The following ERO1B variants were observed in gnomAD, a reference collection of about 807,000 sequenced individuals.
ERO1B encodes the protein endoplasmic reticulum oxidoreductase 1 beta, also known as ERO1-like protein beta.
A neutral mutation model predicts 75.3 loss-of-function variants in ERO1B; 49 were observed. That is an observed-to-expected ratio of 0.65 (90% CI 0.52 to 0.83). The LOEUF is 0.83. Ranked by LOEUF, ERO1B falls within the 40% of genes least tolerant of loss-of-function variation. ERO1B has a pLI of 0.00. For missense variants in ERO1B, 512 were observed against 560.1 expected, an observed-to-expected ratio of 0.91 and a Z score of 0.87; for synonymous variants, 191 against 192.9, an observed-to-expected ratio of 0.99 and a Z score of 0.08.
rs139178297 is a variant in ERO1B, at chr1:236,251,351, G to C, written c.348+699C>G. The C allele has an allele frequency of 6.2e-5, 13 of 210,666 alleles. 2 individuals are homozygous for C. Among genetic ancestry groups the C allele is most frequent in the African/African-American group, 2.3e-4 (10 of 42,634 alleles). 13.0% of individuals were successfully genotyped at this position (210,666 alleles called of 1,614,324 possible). ...ACTTCAGAAAAATGGTTAGCTCTGG[G>C]AGGAAGGAATTAGAACGAACTGGGA... On this transcript the variant is annotated intron_variant, in intron 4 of 15. Coordinates refer to ENST00000354619, the MANE Select transcript of ERO1B (RefSeq NM_019891.4).
chr1:236,239,811 G>GTATATATATATATATATATGTGTGTA (rs1435250421), intron 6 of ERO1B, among the ~76,000 whole-genome samples: 3 of 59,562 alleles, frequency 5.0e-5, no homozygotes, highest in South Asian at 5.5e-4. Flanking sequence ...ATATATGTGT[G>GTATATATATATATATATATGTGTGTA]TATATATATA....
intron 2 of ERO1B, among the ~76,000 whole-genome samples, chr1:236,255,457 A>G (rs1665139346): frequency 6.6e-6 from 1 of 152,052 alleles, no homozygotes; most frequent in African/African-American, 2.4e-5. Flanking sequence ...TTATCTGCTT[A>G]TTGTCTGCGC....
intron 2 of ERO1B, among the ~76,000 whole-genome samples, 194 bp from the exon 3 acceptor site, chr1:236,253,699 C>A (rs1665094854): frequency 6.6e-6 from 1 of 152,208 alleles, no homozygotes; most frequent in African/African-American, 2.4e-5. Flanking sequence ...GACTGGGTGA[C>A]AGAGAAAGCA....
chr1:236,218,673 A>G, intron 15 of ERO1B, 97 bp from the exon 16 acceptor site: 1 of 1,080,338 alleles, frequency 9.3e-7, no homozygotes, highest in African/African-American at 1.6e-5. Flanking sequence ...TGAAAGCAAA[A>G]CCTAAAATAA....
At chr1:236,253,615 C>T in intron 2 of ERO1B, 110 bp from the exon 3 acceptor site, 2 of 711,458 alleles carry the variant, frequency 2.8e-6, no homozygotes, top group Non-Finnish European at 4.9e-6. Flanking sequence ...AGGAATACTT[C>T]CTATCCTCGT....
intron 1 of ERO1B, among the ~76,000 whole-genome samples, chr1:236,277,949 A>G (rs940116748): frequency 6.6e-6 from 1 of 152,170 alleles, no homozygotes; most frequent in Non-Finnish European, 1.5e-5. Context: ...CACATTAAAC[A>G]TAGTGATATT....
At chr1:236,279,763 T>C (rs968934806) in intron 1 of ERO1B, among the ~76,000 whole-genome samples, 1 of 150,840 alleles carries the variant, frequency 6.6e-6, no homozygotes, top group African/African-American at 2.4e-5. Context: ...ACAGAATTGC[T>C]TGAACCTGTG....
chr1:236,255,527 A>G (rs1665140588), intron 2 of ERO1B, among the ~76,000 whole-genome samples: 1 of 152,230 alleles, frequency 6.6e-6, no homozygotes, highest in African/African-American at 2.4e-5. Context: ...GAACAGTGGT[A>G]TAATACATAG....
intron 6 of ERO1B, 36 bp downstream of exon 6, chr1:236,243,386 T>G (rs1390201062): frequency 2.2e-6 from 3 of 1,352,148 alleles, no homozygotes; most frequent in East Asian, 5.1e-5. Flanking sequence ...AGGGTTAAAG[T>G]TAAAATAATT....
intron 1 of ERO1B, among the ~76,000 whole-genome samples, chr1:236,271,700 T>C (rs1396902232): frequency 6.6e-6 from 1 of 151,900 alleles, no homozygotes; most frequent in East Asian, 1.9e-4. Flanking sequence ...AAATAAATAC[T>C]GCCAGTGTCC....
chr1:236,251,954 A>G, intron 4 of ERO1B, 96 bp downstream of exon 4: 1 of 889,522 alleles, frequency 1.1e-6, no homozygotes, highest in Admixed American at 2.5e-5. Context: ...TTCCCAACTA[A>G]CCATAATATG....
intron 1 of ERO1B, among the ~76,000 whole-genome samples, chr1:236,277,511 T>C (rs1177164953): frequency 1.3e-5 from 2 of 151,802 alleles, no homozygotes; most frequent in Admixed American, 6.6e-5. Flanking sequence ...ACTGGAGCCA[T>C]GTCCATGAGC....
chr1:236,249,274 C>T (rs1364777151), intron 5 of ERO1B, among the ~76,000 whole-genome samples: 1 of 152,174 alleles, frequency 6.6e-6, no homozygotes, highest in African/African-American at 2.4e-5. Flanking sequence ...GATCTGCCCA[C>T]TTCAGCCTCC....
chr1:236,267,916 CATCG>C (rs561779888), intron 2 of ERO1B: 2 of 151,492 alleles, frequency 1.3e-5, no homozygotes, highest in Non-Finnish European at 2.9e-5. Flanking sequence ...CCACTCCTCG[CATCG>C]ACCTGGTATT....
Position 236,226,406 on chromosome 1 carries a change from A to G in ERO1B, c.915T>C (p.Phe305=), listed in dbSNP as rs1010221847. 3 of 1,614,042 alleles carry G rather than the reference A, an allele frequency of 1.9e-6. No individual in the cohort carries two copies. Among genetic ancestry groups the G allele is most frequent in the African/African-American group, 2.7e-5 (2 of 74,926 alleles). Residue 305 remains phenylalanine, a synonymous_variant, in exon 12 of 16, where the codon TTT becomes TTC. Coordinates refer to ENST00000354619, the MANE Select transcript of ERO1B (RefSeq NM_019891.4). ...AAGCTCGAAGCTCAATCAAGTATAA[A>G]AAGTAAAGATTCTTGAGCCTTCTTG... ...EGPRRLKNLY[F]LYLIELRALS...
intron 5 of ERO1B, among the ~76,000 whole-genome samples, chr1:236,243,701 A>C (rs946496364): frequency 1.3e-4 from 20 of 152,096 alleles, no homozygotes; most frequent in African/African-American, 4.8e-4. Flanking sequence ...AGTAATTTAT[A>C]TTTCTTAACT....
At chr1:236,251,689 A>T (rs1307107010) in intron 4 of ERO1B, among the ~76,000 whole-genome samples, 2 of 152,218 alleles carry the variant, frequency 1.3e-5, no homozygotes, top group African/African-American at 4.8e-5. Flanking sequence ...TCTGCTCAAA[A>T]TATCTTGATA....
At chr1:236,244,433 A>AC (rs1402341721) in intron 5 of ERO1B, among the ~76,000 whole-genome samples, 2 of 152,204 alleles carry the variant, frequency 1.3e-5, no homozygotes, top group Non-Finnish European at 2.9e-5. Context: ...AGTATATAAT[A>AC]AAAATTAACA....
chr1:236,261,014 A>C (rs895880560), intron 2 of ERO1B, among the ~76,000 whole-genome samples: 3 of 151,980 alleles, frequency 2.0e-5, no homozygotes, highest in Non-Finnish European at 4.4e-5. Context: ...TGATGTACAT[A>C]AATCAATAAA....
Sources: gnomAD v4.1 joint callset for allele counts (sites outside exome capture counted in the v4.1 genomes callset) on GRCh38, gnomAD v4.1.1 for gene constraint, MANE v1.5 for transcripts, NCBI Gene and HGNC (gene_info 2026-07-23, HGNC 2026-07-21) for gene names.